SH3KBP1: variants seen among roughly 807,000 people sequenced by gnomAD.
The protein encoded by SH3KBP1 is SH3 domain containing kinase binding protein 1, also known as SH3 domain-containing kinase-binding protein 1.
Under a neutral mutation model 50.1 loss-of-function variants are expected in SH3KBP1, and 8 were observed. The observed-to-expected ratio is 0.16, with a 90% CI of 0.09 to 0.29. The LOEUF (loss-of-function observed/expected upper bound fraction) is 0.29. Ranked by LOEUF, SH3KBP1 falls within the 10% of genes least tolerant of loss-of-function variation. The pLI is 1.00. For synonymous variants in SH3KBP1, 227 were observed against 218.6 expected (o/e 1.04, Z -0.34); for missense variants, 377 against 535.2 (o/e 0.70, Z 2.92).
intron 1 of SH3KBP1, among the ~76,000 whole-genome samples, chrX:19,870,117 G>C (rs1237897823): frequency 8.9e-6 from 1 of 112,162 alleles, no homozygotes; most frequent in Non-Finnish European, 1.9e-5. Context: ...ACAAGTCTCT[G>C]CAGTTTCGGT....
chrX:19,683,929 G>A lies in SH3KBP1; in HGVS notation c.620C>T (p.Pro207Leu). ...AAAGCCCACTCCCTTAACTTTCTTG[G>A]GCTGGATTGCTGCAGTTGCCACTGT... Reference protein sequence around the residue: ...NGTVATAAIQPKKVKGVGFGD... With the variant: ...NGTVATAAIQLKKVKGVGFGD... The change falls in exon 6 of 18, where the codon CCC becomes CTC. Residue 207 changes from proline (P) to leucine (L), a missense_variant. Transcript: ENST00000397821. 8.3e-7 allele frequency: 1 copy of A among 1,210,692 alleles called. No individual in the cohort carries two copies. The highest frequency in any genetic ancestry group is 1.1e-6 in the Non-Finnish European group (1 of 894,770).
At chrX:19,784,957 G>A (rs1200199074) in intron 2 of SH3KBP1, among the ~76,000 whole-genome samples, 2 of 111,089 alleles carry the variant, frequency 1.8e-5, no homozygotes, top group African/African-American at 6.6e-5. Context: ...AGAACCAAAA[G>A]GGGTCTTAGA....
chrX:19,691,112 G>A (rs2063275465), intron 5 of SH3KBP1, among the ~76,000 whole-genome samples: 1 of 110,372 alleles, frequency 9.1e-6, no homozygotes, highest in Non-Finnish European at 1.9e-5. Context: ...CTGTTACATG[G>A]GAGCCCATTT....
At chrX:19,657,379 C>T (rs1445468256) in intron 6 of SH3KBP1, among the ~76,000 whole-genome samples, 3 of 69,214 alleles carry the variant, frequency 4.3e-5, no homozygotes, top group Non-Finnish European at 7.7e-5. Flanking sequence ...GATCCTGCCT[C>T]GAAAAAAAAA....
At chrX:19,843,710 T>C (rs1287913410) in intron 1 of SH3KBP1, among the ~76,000 whole-genome samples, 2 of 111,526 alleles carry the variant, frequency 1.8e-5, no homozygotes, top group Admixed American at 1.9e-4. Context: ...CTGGATGGCC[T>C]CTGGCAGGAT....
chrX:19,780,502 C>T (rs2066141771), intron 2 of SH3KBP1, among the ~76,000 whole-genome samples: 1 of 104,129 alleles, frequency 9.6e-6, no homozygotes, highest in Admixed American at 1.1e-4. Flanking sequence ...GTGTTTTAGA[C>T]ATGAAGTCCT....
At chrX:19,596,214 A>G (rs1202014310) in intron 9 of SH3KBP1, among the ~76,000 whole-genome samples, 3 of 111,884 alleles carry the variant, frequency 2.7e-5, no homozygotes, top group Non-Finnish European at 5.6e-5. Flanking sequence ...GAGATAACGC[A>G]AACTCGGTTT....
chrX:19,534,848 AAGGG>A lies in SH3KBP1; in HGVS notation c.*1565_*1568del. ...AGGTTAAGAGGAAGGCAGGGGGAGG[AAGGG>A]AGGAAGAGAAAGGAAGAGACATTTA... On this transcript the variant is annotated 3_prime_UTR_variant, in exon 18 of 18. Coordinates refer to ENST00000397821, the MANE Select transcript of SH3KBP1 (RefSeq NM_031892.3). The A allele has an allele frequency of 1.0e-5, 3 of 297,532 alleles. No homozygotes were observed. The highest frequency in any genetic ancestry group is 1.2e-5 in the Non-Finnish European group (2 of 170,341). 24.5% of individuals were successfully genotyped at this position (297,532 alleles called of 1,213,427 possible). A position where few individuals can be genotyped will look rare whatever the true frequency, so the allele number is the denominator to read the frequency against.
intron 8 of SH3KBP1, among the ~76,000 whole-genome samples, chrX:19,609,852 G>A (rs2067357872): frequency 8.9e-6 from 1 of 111,979 alleles, no homozygotes; most frequent in South Asian, 3.7e-4. Flanking sequence ...AGAGTTCTGC[G>A]ATCTCCTCCA....
At chrX:19,606,042 C>G (rs1203559191) in intron 9 of SH3KBP1, among the ~76,000 whole-genome samples, 2 of 111,907 alleles carry the variant, frequency 1.8e-5, no homozygotes, top group African/African-American at 6.5e-5. Context: ...ATCATTACTT[C>G]ACAGTTTTAG....
chrX:19,779,968 C>T (rs1322731721), intron 2 of SH3KBP1, among the ~76,000 whole-genome samples: 3 of 110,302 alleles, frequency 2.7e-5, no homozygotes, highest in South Asian at 7.8e-4. Flanking sequence ...GGGTATATAC[C>T]CAGTAATGGG....
chrX:19,873,760 G>T (rs1267004772), intron 1 of SH3KBP1, among the ~76,000 whole-genome samples: 2 of 105,682 alleles, frequency 1.9e-5, no homozygotes, highest in African/African-American at 7.0e-5. Flanking sequence ...TAAGAAAAAA[G>T]AAATAGTGCC....
intron 2 of SH3KBP1, among the ~76,000 whole-genome samples, chrX:19,772,953 C>T (rs1331168446): frequency 9.0e-6 from 1 of 111,690 alleles, no homozygotes; most frequent in Admixed American, 9.5e-5. Flanking sequence ...GGCATTGACC[C>T]AGGCCAGTGT....
Position 19,540,842 on chromosome X carries a change from C to A in SH3KBP1, c.1892+1083G>T, listed in dbSNP as rs149260580. On this transcript the variant is annotated intron_variant, in intron 16 of 17. Transcript: ENST00000397821. ...CGGGAAATAACTCTTTGAGATGCCTCCCTTGATTCTCTCAAGAAACAGCTA... is the reference window on the plus strand; with the variant it reads ...CGGGAAATAACTCTTTGAGATGCCTACCTTGATTCTCTCAAGAAACAGCTA... 1.6e-3 allele frequency among the ~76,000 whole-genome samples: 180 copies of A among 111,924 alleles called. 1 individual carries two copies. In the East Asian group the frequency reaches 0.043, roughly 27 times the overall value.
intron 13 of SH3KBP1, among the ~76,000 whole-genome samples, chrX:19,556,267 GC>G (rs1259306559): frequency 9.1e-6 from 1 of 109,992 alleles, no homozygotes; most frequent in African/African-American, 3.3e-5. Flanking sequence ...TAAGAGCAAG[GC>G]TAGAAATCCC....
intron 2 of SH3KBP1, among the ~76,000 whole-genome samples, chrX:19,764,010 G>C (rs1214250794): frequency 1.4e-5 from 1 of 74,045 alleles, no homozygotes; most frequent in Non-Finnish European, 2.4e-5. Flanking sequence ...GCAAGACTCT[G>C]TCTCAAAAAA....
chrX:19,589,464 T>C (rs1197104679), intron 11 of SH3KBP1, among the ~76,000 whole-genome samples: 1 of 111,966 alleles, frequency 8.9e-6, no homozygotes, highest in Non-Finnish European at 1.9e-5. Flanking sequence ...TGGATTCTTC[T>C]TGCGCACAAG....
chrX:19,878,611 T>C (rs1380528595), intron 1 of SH3KBP1, among the ~76,000 whole-genome samples: 1 of 109,992 alleles, frequency 9.1e-6, no homozygotes, highest in Non-Finnish European at 1.9e-5. Context: ...TTTTCCTATC[T>C]TCCTTTGGAA....
At chrX:19,764,986 CTTTTTTTTT>C (rs34368819) in intron 2 of SH3KBP1, among the ~76,000 whole-genome samples, 13 of 44,559 alleles carry the variant, frequency 2.9e-4, no homozygotes, top group Non-Finnish European at 4.7e-4. Context: ...TTTTGCAGTT[CTTTTTTTTT>C]TTTTTTTTTT....
Sources: gnomAD v4.1 joint callset for allele counts (sites outside exome capture counted in the v4.1 genomes callset) on GRCh38, gnomAD v4.1.1 for gene constraint, MANE v1.5 for transcripts, NCBI Gene and HGNC (gene_info 2026-07-23, HGNC 2026-07-21) for gene names.